The following SCN2A variants were observed in gnomAD, a reference collection of about 807,000 sequenced individuals.
SCN2A encodes sodium voltage-gated channel alpha subunit 2.
In SCN2A, 20 loss-of-function variants were observed where a neutral mutation model predicts 188.7. The observed-to-expected ratio is 0.11, with a 90% confidence interval of 0.07 to 0.15. SCN2A has a LOEUF of 0.15. SCN2A is among the 10% of genes least tolerant of loss of function. The pLI is 1.00. For missense variants in SCN2A, 1,278 were observed against 2,445.0 expected (o/e 0.52, Z 10.07); for synonymous variants, 804 against 833.1 (o/e 0.97, Z 0.60).
intron 4 of SCN2A, among the ~76,000 whole-genome samples, chr2:165,308,296 T>C (rs2105242367): frequency 6.6e-6 from 1 of 152,294 alleles, no homozygotes; most frequent in Middle Eastern, 3.4e-3. Flanking sequence ...CTAGTATATG[T>C]TTGATGGCTT....
chr2:165,278,509 C>A (rs913043546), intron 1 of SCN2A, among the ~76,000 whole-genome samples: 2 of 152,116 alleles, frequency 1.3e-5, no homozygotes, highest in Non-Finnish European at 2.9e-5. Context: ...GGGGAAACCA[C>A]CCCCATGGTT....
intron 22 of SCN2A, among the ~76,000 whole-genome samples, chr2:165,377,112 A>G (rs1026058518): frequency 6.6e-6 from 1 of 152,046 alleles, no homozygotes; most frequent in Non-Finnish European, 1.5e-5. Flanking sequence ...TCAAAATAGT[A>G]TGATCAACAA....
intron 20 of SCN2A, 199 bp from the exon 21 acceptor site, chr2:165,373,025 AC>A: frequency 1.9e-6 from 1 of 538,714 alleles, no homozygotes; most frequent in Non-Finnish European, 3.4e-6. Flanking sequence ...CACCCTGGGA[AC>A]CTGTAGAAAT....
chr2:165,270,578 G>A (rs539000567), intron 1 of SCN2A: 2 of 151,996 alleles, frequency 1.3e-5, no homozygotes, highest in Non-Finnish European at 2.9e-5. Flanking sequence ...CGCCCTTTCT[G>A]TATAAAATCT....
At chr2:165,362,376 A>G (rs1700504319) in intron 17 of SCN2A, among the ~76,000 whole-genome samples, 1 of 152,048 alleles carries the variant, frequency 6.6e-6, no homozygotes, top group Non-Finnish European at 1.5e-5. Context: ...TGTCTTTTAT[A>G]ATTTGAAATT....
At chr2:165,280,475 C>T (rs935732606) in intron 1 of SCN2A, among the ~76,000 whole-genome samples, 1 of 152,028 alleles carries the variant, frequency 6.6e-6, no homozygotes, top group African/African-American at 2.4e-5. Flanking sequence ...AGAATCTGTA[C>T]CTGTGTCTTG....
intron 1 of SCN2A, among the ~76,000 whole-genome samples, chr2:165,281,776 TGGGCAGCCACACA>T (rs1439577773): frequency 6.6e-6 from 1 of 152,206 alleles, no homozygotes; most frequent in African/African-American, 2.4e-5. Flanking sequence ...GCTGGCTTCG[TGGGCAGCCACACA>T]AGGCTCCATG....
At chr2:165,306,504 TTGTGTGTGTGTGTGTGTGTGTGTG>T (rs10524719) in intron 3 of SCN2A, among the ~76,000 whole-genome samples, 10 of 147,318 alleles carry the variant, frequency 6.8e-5, no homozygotes, top group Admixed American at 3.4e-4. Flanking sequence ...AAATGGTATT[TTGTGTGTGTGTGTGTGTGTGTGTG>T]TGTGTGTGTG....
chr2:165,278,247 TA>T (rs1436288742), intron 1 of SCN2A, among the ~76,000 whole-genome samples: 2 of 152,316 alleles, frequency 1.3e-5, no homozygotes, highest in East Asian at 3.9e-4. Flanking sequence ...TAGAGTATAT[TA>T]GTCCATTTTC....
chr2:165,336,002 G>A (rs535371149), intron 14 of SCN2A, among the ~76,000 whole-genome samples: 28 of 151,968 alleles, frequency 1.8e-4, no homozygotes, highest in East Asian at 9.6e-4. Flanking sequence ...GATGGTCAGC[G>A]TCACTGGCTA....
At chr2:165,347,268 AAG>A (rs1303645405) in intron 16 of SCN2A, among the ~76,000 whole-genome samples, 12 of 152,334 alleles carry the variant, frequency 7.9e-5, no homozygotes, top group Non-Finnish European at 1.6e-4. Flanking sequence ...AGCCATAAAA[AAG>A]AGTGAGTTCA....
rs149230197 is a variant in SCN2A at position 165,323,455 on chromosome 2, C to A, written c.1971C>A (p.Val657=). The A allele has an allele frequency of 1.9e-6, 3 of 1,613,882 alleles. No homozygotes were observed. Among genetic ancestry groups the A allele is most frequent in the East Asian group, 4.5e-5 (2 of 44,872 alleles). ...AVDCNGVVSL[V]GGPSTLTSAG... is the part of the protein sequence containing the mutation. ...ACTGCAATGGTGTGGTCTCCCTGGTCGGGGGCCCTTCTACCCTCACATCTG... is the reference window on the plus strand; with the variant it reads ...ACTGCAATGGTGTGGTCTCCCTGGTAGGGGGCCCTTCTACCCTCACATCTG... The change falls in exon 12 of 27, where the codon GTC becomes GTA. Residue 657 remains valine, a synonymous_variant. Transcript: ENST00000375437.
At position 165,374,894 on chromosome 2, in the gene SCN2A, A is replaced by G; in HGVS notation, c.4182A>G (p.Gln1394=). 2 of 1,613,568 alleles carry G rather than the reference A, an allele frequency of 1.2e-6. No individual in the cohort carries two copies. The highest frequency in any genetic ancestry group is 8.5e-7 in the Non-Finnish European group (1 of 1,179,660). ...SECKALIESN[Q]TARWKNVKVN... The stretch of plus-strand genomic sequence containing the variant: ...GCAAAGCTCTCATTGAGAGCAATCA[A>G]ACTGCCAGGTGGAAAAATGTGAAAG... The change falls in exon 22 of 27, where the codon CAA becomes CAG. Residue 1394 remains glutamine, a synonymous_variant. Coordinates refer to ENST00000375437, the MANE Select transcript of SCN2A (RefSeq NM_001040142.2).
chr2:165,262,474 G>T (rs1483932860), intron 1 of SCN2A, among the ~76,000 whole-genome samples: 4 of 151,986 alleles, frequency 2.6e-5, no homozygotes, highest in Non-Finnish European at 4.4e-5. Context: ...ACGATGTTTG[G>T]TTTTCCATTC....
At position 165,344,758 on chromosome 2, in the gene SCN2A, C is replaced by T. The variant is rs202006528; in HGVS notation, c.2766C>T (p.Arg922=). The T allele has an allele frequency of 5.0e-6, 8 of 1,614,050 alleles. No individual in the cohort carries two copies. The highest frequency in any genetic ancestry group is 6.8e-6 in the Non-Finnish European group (8 of 1,180,036). Residue 922 remains arginine, a synonymous_variant, in exon 16 of 27, where the codon CGC becomes CGT. Transcript: ENST00000375437. ...TTTCCAATGATTGTGAACTCCCACG[C>T]TGGCACATGCATGACTTTTTCCACT... ...CKISNDCELP[R]WHMHDFFHSF...
chr2:165,268,018 A>G (rs1347569197), intron 1 of SCN2A: 1 of 151,992 alleles, frequency 6.6e-6, no homozygotes, highest in Non-Finnish European at 1.5e-5. Context: ...ATTAGCCATC[A>G]TAGAAAACAA....
At chr2:165,287,641 GCT>G (rs1695911322) in intron 1 of SCN2A, among the ~76,000 whole-genome samples, 1 of 152,068 alleles carries the variant, frequency 6.6e-6, no homozygotes, top group South Asian at 2.1e-4. Flanking sequence ...TGAGGGAGGG[GCT>G]CTCTACTGCC....
intron 11 of SCN2A, among the ~76,000 whole-genome samples, chr2:165,320,806 C>G (rs892485705): frequency 4.6e-5 from 7 of 152,212 alleles, no homozygotes; most frequent in African/African-American, 1.7e-4. Flanking sequence ...CATGAAACCA[C>G]TTTTTCCTCC....
intron 3 of SCN2A, among the ~76,000 whole-genome samples, chr2:165,299,769 A>G (rs534654562): frequency 6.6e-6 from 1 of 152,316 alleles, no homozygotes; most frequent in South Asian, 2.1e-4. Context: ...CTGTAAGTTA[A>G]AAATGCTTGG....
Sources: allele counts gnomAD v4.1 joint callset (sites outside exome capture counted in the v4.1 genomes callset), GRCh38; gene constraint gnomAD v4.1.1; transcripts MANE v1.5; gene names NCBI Gene and HGNC (gene_info 2026-07-23, HGNC 2026-07-21).